Variants in RSAD2 observed in about 807,000 individuals in gnomAD.
The protein encoded by RSAD2 is S-adenosylmethionine-dependent nucleotide dehydratase RSAD2.
RSAD2 carries 38 observed loss-of-function variants against 37.7 expected under a neutral mutation model. That is an observed-to-expected ratio of 1.01 (90% CI 0.78 to 1.32). The LOEUF (loss-of-function observed/expected upper bound fraction) is 1.32, where lower values mean the gene tolerates loss of function less well. Among genes scored for constraint, RSAD2 ranks in the 40% most tolerant of loss-of-function variants. The pLI, the probability that RSAD2 is intolerant of heterozygous loss-of-function variation, is 0.00. For missense variants in RSAD2, 428 were observed against 437.5 expected, an observed-to-expected ratio of 0.98 and a Z score of 0.19; for synonymous variants, 163 against 157.4, an observed-to-expected ratio of 1.04 and a Z score of -0.27.
intron 2 of RSAD2, among the ~76,000 whole-genome samples, chr2:6,884,394 C>A (rs546480621): frequency 6.6e-6 from 1 of 152,216 alleles, no homozygotes; most frequent in African/African-American, 2.4e-5. Flanking sequence ...CGTGTAAAAC[C>A]AAAATGGTAG....
chr2:6,868,998 C>T (rs923365148), intron 1 of RSAD2, among the ~76,000 whole-genome samples: 4 of 152,192 alleles, frequency 2.6e-5, no homozygotes, highest in Non-Finnish European at 4.4e-5. Context: ...CATTCATTGT[C>T]GGGGTCCTGA....
Position 6,877,805 on chromosome 2 carries a change from G to A in RSAD2, c.5G>A (p.Trp2Ter), listed in dbSNP as rs1336536754. The A allele has an allele frequency of 1.9e-6, 3 of 1,612,760 alleles. No individual in the cohort carries two copies. Among genetic ancestry groups the A allele is most frequent in the Non-Finnish European group, 2.5e-6 (3 of 1,179,312 alleles). M[W>*]VLTPAAFAGK... ...CTGCTCCAGGCATCTGCCACAATGT[G>A]GGTGCTTACACCTGCTGCTTTTGCT... Residue 2 changes from tryptophan (W) to a stop codon, truncating the protein, a stop_gained, in exon 1 of 6, where the codon TGG (tryptophan) becomes TAG (stop). Coordinates refer to ENST00000382040, the MANE Select transcript of RSAD2 (RefSeq NM_080657.5). LOFTEE classifies it high-confidence loss of function.
intron 2 of RSAD2, among the ~76,000 whole-genome samples, chr2:6,885,643 G>A (rs575384486): frequency 2.6e-5 from 4 of 152,308 alleles, no homozygotes; most frequent in African/African-American, 9.6e-5. Context: ...GAGGACAGGA[G>A]GATAGTTATC....
chr2:6,866,027 C>T lies in RSAD2; in HGVS notation c.124C>T (p.Pro42Ser), dbSNP rs1572147936. The T allele has an allele frequency of 8.8e-6, 4 of 454,238 alleles. No individual in the cohort carries two copies. The South Asian group carries it at 1.2e-4, about 14-fold the overall frequency. The allele number at this position is 454,238 out of a possible 1,614,324, so 28.1% of individuals were successfully genotyped here. A position where few individuals can be genotyped will look rare whatever the true frequency, so the allele number is the denominator to read the frequency against. The change falls in exon 1 of 6, where the codon CCG (proline) becomes TCG (serine). Residue 42 changes from proline (P) to serine (S), a missense_variant. By Grantham distance (74) the Pro-to-Ser change is moderately conservative. Transcript: ENST00000442639. ...CCCGGGGCTGACACCGAATGAGGCC[C>T]CGCGCCGTCGGCCCCAAGGTAGCTC...
At chr2:6,869,787 G>C (rs1197194697) in intron 1 of RSAD2, among the ~76,000 whole-genome samples, 1 of 152,232 alleles carries the variant, frequency 6.6e-6, no homozygotes, top group Non-Finnish European at 1.5e-5. Context: ...AACAAATGTG[G>C]AACAGAAATA....
intron 4 of RSAD2, among the ~76,000 whole-genome samples, chr2:6,890,902 A>G (rs1663617599): frequency 6.6e-6 from 1 of 152,186 alleles, no homozygotes; most frequent in African/African-American, 2.4e-5. Context: ...AGGTATAACT[A>G]GAAGCCGGGT....
At chr2:6,869,019 C>T (rs1663157651) in intron 1 of RSAD2, among the ~76,000 whole-genome samples, 1 of 152,216 alleles carries the variant, frequency 6.6e-6, no homozygotes, top group Non-Finnish European at 1.5e-5. Context: ...GATTTGGTTA[C>T]TATAGCTGGG....
intron 1 of RSAD2, among the ~76,000 whole-genome samples, chr2:6,870,399 A>G (rs933621447): frequency 2.0e-5 from 3 of 152,202 alleles, no homozygotes; most frequent in Admixed American, 2.0e-4. Context: ...TCATGCATGT[A>G]AATACACAGA....
chr2:6,879,105 T>G (rs920923118), intron 1 of RSAD2: 1 of 455,840 alleles, frequency 2.2e-6, no homozygotes, highest in African/African-American at 2.0e-5. Flanking sequence ...TTTATATAAA[T>G]GAAATCATAC....
upstream of RSAD2, among the ~76,000 whole-genome samples, chr2:6,877,420 G>A (rs1424783049): frequency 2.0e-5 from 3 of 152,166 alleles, no homozygotes; most frequent in African/African-American, 7.2e-5. Context: ...TCAAGAGAAA[G>A]CAATGCAACA....
chr2:6,883,653 C>A, intron 2 of RSAD2, 121 bp downstream of exon 2: 1 of 1,107,432 alleles, frequency 9.0e-7, no homozygotes, highest in Non-Finnish European at 1.3e-6. Flanking sequence ...GGAGGAAAAA[C>A]TAATCTTGCT....
At position 6,887,148 on chromosome 2, in the gene RSAD2, AC is replaced by A; in HGVS notation, c.725del (p.Pro242LeufsTer11). On this transcript the variant is annotated frameshift_variant, in exon 3 of 6. Coordinates refer to ENST00000382040, the MANE Select transcript of RSAD2 (RefSeq NM_080657.5). LOFTEE classifies it high-confidence loss of function. The part of the protein sequence containing the change: ...EDMTEQIKAL[N>X]PVRWKVFQCL... ...ATGACGGAACAGATCAAAGCACTAAACCCTGTCCGCTGGAAAGTAAGTACAC... is the reference window on the plus strand; with the variant it reads ...ATGACGGAACAGATCAAAGCACTAAACCTGTCCGCTGGAAAGTAAGTACAC... The A allele has an allele frequency of 6.2e-7, 1 of 1,613,760 alleles. No homozygotes were observed. Among genetic ancestry groups the A allele is most frequent in the Non-Finnish European group, 8.5e-7 (1 of 1,179,620 alleles).
intron 1 of RSAD2, among the ~76,000 whole-genome samples, chr2:6,871,865 G>A (rs1272265291): frequency 6.6e-6 from 1 of 152,134 alleles, no homozygotes; most frequent in Non-Finnish European, 1.5e-5. Context: ...TTTGTTTGAT[G>A]AGAATGGCTA....
chr2:6,876,582 T>C (rs571838742), upstream of RSAD2: 2 of 152,372 alleles, frequency 1.3e-5, no homozygotes, highest in East Asian at 3.9e-4. Flanking sequence ...TGGGCTGAGA[T>C]TTCAAGGACC....
At chr2:6,873,718 A>T (rs138889515), upstream of RSAD2, among the ~76,000 whole-genome samples, 2 of 152,292 alleles carry the variant, frequency 1.3e-5, no homozygotes, top group African/African-American at 4.8e-5. Context: ...ACCTTTTGAC[A>T]TCTTTGGCAG....
At chr2:6,867,065 G>T (rs769374725) in intron 1 of RSAD2, among the ~76,000 whole-genome samples, 1 of 152,090 alleles carries the variant, frequency 6.6e-6, no homozygotes, top group Non-Finnish European at 1.5e-5. Context: ...CGTGTATGTA[G>T]TATATGGAAG....
intron 2 of RSAD2, among the ~76,000 whole-genome samples, chr2:6,886,309 G>A (rs775870831): frequency 1.3e-5 from 2 of 152,190 alleles, no homozygotes; most frequent in South Asian, 2.1e-4. Flanking sequence ...AAAACGACAC[G>A]CTGTCACAGC....
At chr2:6,882,477 C>T (rs1007373810) in intron 1 of RSAD2, among the ~76,000 whole-genome samples, 6 of 151,722 alleles carry the variant, frequency 4.0e-5, no homozygotes, top group South Asian at 2.1e-4. Flanking sequence ...TCAGGATAGA[C>T]GTAGGAAGGA....
At chr2:6,890,971 T>C (rs1274550541) in intron 4 of RSAD2, among the ~76,000 whole-genome samples, 1 of 152,096 alleles carries the variant, frequency 6.6e-6, no homozygotes, top group Non-Finnish European at 1.5e-5. Flanking sequence ...AGGAACCTCC[T>C]TATTAATGAA....
Sources: gnomAD v4.1 joint callset for allele counts (sites outside exome capture counted in the v4.1 genomes callset) on GRCh38, gnomAD v4.1.1 for gene constraint, MANE v1.5 for transcripts, NCBI Gene and HGNC (gene_info 2026-07-23, HGNC 2026-07-21) for gene names.